Variants in JAKMIP2 observed in about 807,000 individuals in gnomAD.
The protein encoded by JAKMIP2 is janus kinase and microtubule-interacting protein 2.
Under a neutral mutation model 115.0 loss-of-function variants are expected in JAKMIP2, and 25 were observed. The observed-to-expected ratio is 0.22, with a 90% CI of 0.16 to 0.30. JAKMIP2 has a LOEUF of 0.30. JAKMIP2 is among the 10% of genes least tolerant of loss of function. The probability of loss-of-function intolerance (pLI) is 1.00; values close to 1 mark genes in which losing one functional copy is unlikely to be tolerated. For synonymous variants in JAKMIP2, 334 were observed against 343.6 expected, an observed-to-expected ratio of 0.97 and a Z score of 0.31; for missense variants, 642 against 957.6, an observed-to-expected ratio of 0.67 and a Z score of 4.35.
intron 1 of JAKMIP2, among the ~76,000 whole-genome samples, chr5:147,766,350 T>C (rs1396417467): frequency 6.6e-6 from 1 of 152,186 alleles, no homozygotes; most frequent in Admixed American, 6.5e-5. Flanking sequence ...CTTGTTTTCC[T>C]TTTGAAAGGA....
chr5:147,653,472 CT>C (rs956246370), intron 3 of JAKMIP2, among the ~76,000 whole-genome samples: 13 of 148,546 alleles, frequency 8.8e-5, no homozygotes, highest in South Asian at 2.1e-4. Flanking sequence ...AGATGATGAG[CT>C]TTTTTTTTTC....
At chr5:147,707,285 C>T (rs900328613) in intron 1 of JAKMIP2, among the ~76,000 whole-genome samples, 1 of 144,582 alleles carries the variant, frequency 6.9e-6, no homozygotes. Flanking sequence ...TATCCACATG[C>T]CAACTTAACG....
At chr5:147,647,149 T>C (rs1021235290) in intron 5 of JAKMIP2, among the ~76,000 whole-genome samples, 2 of 152,108 alleles carry the variant, frequency 1.3e-5, no homozygotes, top group African/African-American at 4.8e-5. Flanking sequence ...ACAAAGTACA[T>C]TCTCTGACTA....
Position 147,585,993 on chromosome 5 carries a change from CCAAA to C in JAKMIP2, c.*5710_*5713del, listed in dbSNP as rs1754854131. Reference sequence around the variant, plus strand: ...AAAAAAAGAAACATCAACCAACCAACCAAACAAATAAAAAAAACCTATTTGCTGG... The same window carrying C: ...AAAAAAAGAAACATCAACCAACCAACCAAATAAAAAAAACCTATTTGCTGG... On this transcript the variant is annotated 3_prime_UTR_variant, in exon 22 of 22. Coordinates refer to ENST00000616793, the MANE Select transcript of JAKMIP2 (RefSeq NM_001270941.2). 6.6e-6 allele frequency: 1 copy of C among 151,206 alleles called. No homozygotes were observed. Among genetic ancestry groups the C allele is most frequent in the Non-Finnish European group, 1.5e-5 (1 of 67,864 alleles). 9.4% of individuals were successfully genotyped at this position (151,206 alleles called of 1,614,324 possible). A position where few individuals can be genotyped will look rare whatever the true frequency, so the allele number is the denominator to read the frequency against.
chr5:147,761,895 G>T (rs1429839652), intron 1 of JAKMIP2, among the ~76,000 whole-genome samples: 1 of 152,068 alleles, frequency 6.6e-6, no homozygotes, highest in Non-Finnish European at 1.5e-5. Context: ...TAGGATATTG[G>T]TAGTTACTAA....
Position 147,644,099 on chromosome 5 carries a change from G to T in JAKMIP2, c.1183C>A (p.Gln395Lys). The change falls in exon 7 of 22, where the codon CAG becomes AAG. Residue 395 changes from glutamine (Q) to lysine (K), a missense_variant. Transcript: ENST00000616793. ...EEQETEFLKLQVIEQQNIIDE... is the reference protein window; with the variant it reads ...EEQETEFLKLKVIEQQNIIDE... ...ATAATGTTCTGTTGCTCAATGACCT[G>T]AAGTTTTAGAAACTCTGTTTCTTGT... 6.2e-7 allele frequency: 1 copy of T among 1,607,618 alleles called. No homozygotes were observed. Among genetic ancestry groups the T allele is most frequent in the Non-Finnish European group, 8.5e-7 (1 of 1,175,654 alleles).
chr5:147,678,640 A>G (rs1760099580), intron 1 of JAKMIP2, among the ~76,000 whole-genome samples: 1 of 152,170 alleles, frequency 6.6e-6, no homozygotes, highest in African/African-American at 2.4e-5. Context: ...CATCAAATCA[A>G]TTTATAAGTA....
chr5:147,716,922 T>C (rs1478267970), intron 1 of JAKMIP2, among the ~76,000 whole-genome samples: 4 of 144,628 alleles, frequency 2.8e-5, no homozygotes, highest in Admixed American at 7.0e-5. Context: ...TCCTTGCCCA[T>C]GCCTATGTCC....
chr5:147,630,458 T>A (rs1757305374), intron 14 of JAKMIP2, among the ~76,000 whole-genome samples: 1 of 152,192 alleles, frequency 6.6e-6, no homozygotes, highest in Non-Finnish European at 1.5e-5. Context: ...CAAATTACCA[T>A]GCCACCCAGG....
chr5:147,756,709 AT>A (rs1754757483), intron 1 of JAKMIP2, among the ~76,000 whole-genome samples: 1 of 152,092 alleles, frequency 6.6e-6, no homozygotes, highest in Non-Finnish European at 1.5e-5. Context: ...GGCTACTCAC[AT>A]TTATCCTCCT....
chr5:147,637,552 G>A (rs145337335), intron 10 of JAKMIP2, among the ~76,000 whole-genome samples: 2,679 of 148,534 alleles, frequency 0.018, 94 homozygotes, highest in African/African-American at 0.063. Context: ...CAATTCTCCC[G>A]CTTCAGCCTC....
At chr5:147,614,385 C>T (rs1756474159) in intron 19 of JAKMIP2, among the ~76,000 whole-genome samples, 2 of 152,194 alleles carry the variant, frequency 1.3e-5, no homozygotes, top group African/African-American at 4.8e-5. Context: ...ATGTGTTATG[C>T]TACATCATAT....
intron 19 of JAKMIP2, among the ~76,000 whole-genome samples, chr5:147,614,986 AATCCTAC>A (rs1352815564): frequency 2.0e-5 from 3 of 152,206 alleles, no homozygotes; most frequent in African/African-American, 7.2e-5. Context: ...TAAAGTGGCC[AATCCTAC>A]TCCCAAACTC....
chr5:147,671,540 T>G, intron 2 of JAKMIP2, 138 bp downstream of exon 2: 2 of 557,720 alleles, frequency 3.6e-6, no homozygotes, highest in Non-Finnish European at 5.5e-6. Context: ...AAGCTCTCCA[T>G]GTTTACAGGG....
intron 1 of JAKMIP2, among the ~76,000 whole-genome samples, chr5:147,781,202 G>C (rs114950980): frequency 6.6e-6 from 1 of 152,084 alleles, no homozygotes; most frequent in Non-Finnish European, 1.5e-5. Flanking sequence ...GCTGGGCTAG[G>C]GTGCTTGGGA....
chr5:147,700,416 T>C (rs559573976), intron 1 of JAKMIP2, among the ~76,000 whole-genome samples: 43 of 151,910 alleles, frequency 2.8e-4, no homozygotes, highest in Admixed American at 2.4e-3. Context: ...TATTCAATAG[T>C]AGGAACAAAA....
At chr5:147,618,154 G>T in intron 18 of JAKMIP2, 40 bp from the exon 19 acceptor site, 1 of 1,466,054 alleles carries the variant, frequency 6.8e-7, no homozygotes, top group South Asian at 1.1e-5. Flanking sequence ...TTGGAACTTG[G>T]CATTGATATC....
At chr5:147,715,600 C>G (rs2126923249) in intron 1 of JAKMIP2, among the ~76,000 whole-genome samples, 1 of 151,530 alleles carries the variant, frequency 6.6e-6, no homozygotes, top group Admixed American at 6.6e-5. Flanking sequence ...TTCCATTTCT[C>G]CTCGGAAGAC....
chr5:147,621,133 C>T (rs112350742), intron 17 of JAKMIP2, among the ~76,000 whole-genome samples: 1 of 152,128 alleles, frequency 6.6e-6, no homozygotes, highest in African/African-American at 2.4e-5. Flanking sequence ...ACAAGTTTAA[C>T]TGATTCAAAT....
Sources: allele counts gnomAD v4.1 joint callset (sites outside exome capture counted in the v4.1 genomes callset), GRCh38; gene constraint gnomAD v4.1.1; transcripts MANE v1.5; gene names NCBI Gene and HGNC (gene_info 2026-07-23, HGNC 2026-07-21).